PPP1CB: variants seen among roughly 807,000 people sequenced by gnomAD.
PPP1CB encodes serine/threonine-protein phosphatase PP1-beta catalytic subunit.
A neutral mutation model predicts 43.7 loss-of-function variants in PPP1CB; 2 were observed. The ratio of observed to expected loss-of-function variants is 0.05; its 90% confidence interval spans 0.02 to 0.14. The LOEUF (loss-of-function observed/expected upper bound fraction) is 0.14, where lower values mean the gene tolerates loss of function less well. PPP1CB is among the 10% of genes least tolerant of loss of function. PPP1CB has a pLI of 1.00. For synonymous variants in PPP1CB, 136 were observed against 135.6 expected (o/e 1.00, Z -0.02); for missense variants, 84 against 398.0 (o/e 0.21, Z 6.71).
In PPP1CB at chr2:28,801,886, A is replaced by G. The variant is rs1667625908; in HGVS notation, c.*2583A>G. ...GTGAATCCTTTGCATTTGAAGCCTT[A>G]ACATGCATTGCTTTAATTTTGCCCA... is the stretch of plus-strand genomic sequence containing the variant. On this transcript the variant is annotated 3_prime_UTR_variant, in exon 8 of 8. Transcript: ENST00000395366. The G allele has an allele frequency of 6.6e-6, 1 of 152,202 alleles. No homozygotes were observed. The highest frequency in any genetic ancestry group is 1.5e-5 in the Non-Finnish European group (1 of 68,020). The allele number at this position is 152,202 out of a possible 1,614,324, so 9.4% of individuals were successfully genotyped here.
intron 1 of PPP1CB, among the ~76,000 whole-genome samples, chr2:28,753,733 T>A (rs946009937): frequency 5.9e-5 from 9 of 152,326 alleles, no homozygotes; most frequent in East Asian, 1.9e-4. Flanking sequence ...TTTTTATTTT[T>A]TTTTTATTTT....
At chr2:28,784,361 A>G (rs1667215763) in intron 5 of PPP1CB, among the ~76,000 whole-genome samples, 1 of 152,180 alleles carries the variant, frequency 6.6e-6, no homozygotes, top group African/African-American at 2.4e-5. Context: ...CAAGGATACA[A>G]CTACCTTCTT....
intron 2 of PPP1CB, 192 bp downstream of exon 2, chr2:28,777,174 A>T (rs1667060302): frequency 2.3e-6 from 1 of 443,550 alleles, no homozygotes; most frequent in East Asian, 3.9e-5. Flanking sequence ...CTTGCTATAT[A>T]TCAACAGATA....
intron 1 of PPP1CB, among the ~76,000 whole-genome samples, chr2:28,767,496 C>T (rs567725982): frequency 6.6e-6 from 1 of 152,226 alleles, no homozygotes; most frequent in Non-Finnish European, 1.5e-5. Flanking sequence ...TGAGTATGCA[C>T]TGGTAGTAAA....
In PPP1CB at chr2:28,783,732, G is replaced by T. The variant is rs545770848; in HGVS notation, c.521-175G>T. On this transcript the variant is annotated intron_variant, in intron 4 of 7. Transcript: ENST00000395366. ...AGATCACGCTACTGCACTGCAGCCT[G>T]GGTGACAGAGTAAGATTCTGTCTCG... Among the ~76,000 whole-genome samples, 17 of 151,772 alleles carry T rather than the reference G, an allele frequency of 1.1e-4. No homozygotes were observed. In the South Asian group the frequency reaches 3.5e-3, roughly 32 times the overall value.
chr2:28,754,346 G>T (rs993400047), intron 1 of PPP1CB, among the ~76,000 whole-genome samples: 4 of 172 alleles, frequency 0.023, no homozygotes, highest in Non-Finnish European at 0.1. Context: ...TTGGGGGGGC[G>T]GGGGGGGGGC....
intron 1 of PPP1CB, among the ~76,000 whole-genome samples, chr2:28,774,080 AC>A (rs1666974146): frequency 6.6e-6 from 1 of 152,220 alleles, no homozygotes; most frequent in Non-Finnish European, 1.5e-5. Context: ...TGCTTGACTT[AC>A]AAGTTGAAGC....
At chr2:28,752,262 G>A (rs1373955232) in intron 1 of PPP1CB, 86 bp downstream of exon 1, 2 of 1,270,912 alleles carry the variant, frequency 1.6e-6, no homozygotes, top group African/African-American at 3.1e-5. Flanking sequence ...GAACGCGAGG[G>A]GACCCCTTTC....
At chr2:28,765,964 C>T (rs1358194643) in intron 1 of PPP1CB, among the ~76,000 whole-genome samples, 1 of 152,164 alleles carries the variant, frequency 6.6e-6, no homozygotes, top group Non-Finnish European at 1.5e-5. Flanking sequence ...TATTAGTTGT[C>T]AGAATGACTT....
intron 7 of PPP1CB, among the ~76,000 whole-genome samples, chr2:28,796,124 C>A (rs1667492457): frequency 6.6e-6 from 1 of 152,064 alleles, no homozygotes; most frequent in African/African-American, 2.4e-5. Context: ...ATTTCTGGCT[C>A]CTCCATCCTG....
intron 1 of PPP1CB, among the ~76,000 whole-genome samples, chr2:28,765,392 T>TA (rs1385464207): frequency 6.6e-6 from 1 of 152,268 alleles, no homozygotes; most frequent in Non-Finnish European, 1.5e-5. Context: ...ATTCTCCTGA[T>TA]ACTTGCCTTT....
At chr2:28,786,724 G>A (rs912584355) in intron 5 of PPP1CB, among the ~76,000 whole-genome samples, 6 of 135,108 alleles carry the variant, frequency 4.4e-5, no homozygotes, top group South Asian at 4.7e-4. Context: ...GCAGTGAGCC[G>A]AGATCGTGCC....
intron 1 of PPP1CB, among the ~76,000 whole-genome samples, chr2:28,757,598 C>T (rs1666524327): frequency 6.6e-6 from 1 of 152,156 alleles, no homozygotes; most frequent in East Asian, 1.9e-4. Context: ...TGCAGCTAGA[C>T]TTGTTAGAAA....
At chr2:28,756,311 C>G (rs1558295245) in intron 1 of PPP1CB, among the ~76,000 whole-genome samples, 1 of 152,204 alleles carries the variant, frequency 6.6e-6, no homozygotes, top group African/African-American at 2.4e-5. Flanking sequence ...TTTTGGCCCA[C>G]TTACAGTTTT....
At chr2:28,758,882 C>T (rs1270076341) in intron 1 of PPP1CB, among the ~76,000 whole-genome samples, 4 of 152,136 alleles carry the variant, frequency 2.6e-5, no homozygotes, top group Admixed American at 1.3e-4. Flanking sequence ...TGCATGCCCA[C>T]CCTTGCATAA....
chr2:28,786,774 CAAAAAAAAA>C (rs70956040), intron 5 of PPP1CB, among the ~76,000 whole-genome samples: 4 of 94,908 alleles, frequency 4.2e-5, no homozygotes, highest in African/African-American at 1.6e-4. Context: ...GACTCCGTCT[CAAAAAAAAA>C]AAAAAAAAAA....
chr2:28,762,487 A>G (rs927984585), intron 1 of PPP1CB, among the ~76,000 whole-genome samples: 1 of 152,210 alleles, frequency 6.6e-6, no homozygotes, highest in Non-Finnish European at 1.5e-5. Context: ...TTAGTTGAAT[A>G]TGAAGAAAGT....
In PPP1CB at chr2:28,788,418, A is replaced by G. The variant is rs532820467; in HGVS notation, c.593-240A>G. ...TGTAAGTGCCATGCACATATTTCCT[A>G]TATGTGGAAAGGGTTGGAAAGTACT... On this transcript the variant is annotated intron_variant, in intron 5 of 7. Transcript: ENST00000395366. Among the ~76,000 whole-genome samples the G allele has an allele frequency of 3.3e-5, 5 of 152,286 alleles. No individual in the cohort carries two copies. In the East Asian group the frequency reaches 9.6e-4, roughly 29 times the overall value.
At chr2:28,786,797 A>G (rs193131437) in intron 5 of PPP1CB, among the ~76,000 whole-genome samples, 17 of 149,204 alleles carry the variant, frequency 1.1e-4, no homozygotes, top group Admixed American at 1.1e-3. Context: ...AAAAAAAAAG[A>G]AATTATAGAT....
Sources: allele counts gnomAD v4.1 joint callset (sites outside exome capture counted in the v4.1 genomes callset), GRCh38; gene constraint gnomAD v4.1.1; transcripts MANE v1.5; gene names NCBI Gene and HGNC (gene_info 2026-07-23, HGNC 2026-07-21).